The following SYT17 variants were observed in gnomAD, a reference collection of about 807,000 sequenced individuals.
SYT17 encodes synaptotagmin 17.
SYT17 carries 22 observed loss-of-function variants against 46.7 expected under a neutral mutation model. The observed-to-expected ratio is 0.47, with a 90% confidence interval of 0.34 to 0.67. SYT17 has a LOEUF of 0.67. SYT17 is among the 30% of genes least tolerant of loss of function. The probability of loss-of-function intolerance (pLI) is 0.01; values close to 1 mark genes in which losing one functional copy is unlikely to be tolerated. For synonymous variants in SYT17, 251 were observed against 248.4 expected (o/e 1.01, Z -0.10); for missense variants, 519 against 612.8 (o/e 0.85, Z 1.62).
chr16:19,172,352 A>T, intron 1 of SYT17: 1 of 1,383,612 alleles, frequency 7.2e-7, no homozygotes, highest in Non-Finnish European at 9.3e-7. Context: ...GCCTGCCTGC[A>T]TGTTAGCTAA....
intron 5 of SYT17, among the ~76,000 whole-genome samples, chr16:19,187,997 G>T (rs547456818): frequency 6.6e-6 from 1 of 152,196 alleles, no homozygotes; most frequent in African/African-American, 2.4e-5. Context: ...ATACCCAAAG[G>T]AATATAAATT....
chr16:19,179,719 G>T (rs1167672089), intron 3 of SYT17, among the ~76,000 whole-genome samples: 1 of 152,192 alleles, frequency 6.6e-6, no homozygotes, highest in Non-Finnish European at 1.5e-5. Context: ...AGCCCCAGCG[G>T]TTCTCTCAAT....
intron 5 of SYT17, 89 bp from the exon 6 acceptor site, chr16:19,222,956 T>G: frequency 6.4e-7 from 1 of 1,559,872 alleles, no homozygotes; most frequent in South Asian, 1.2e-5. Context: ...GCAACCTGTT[T>G]GTGAGCTGCT....
intron 7 of SYT17, among the ~76,000 whole-genome samples, chr16:19,232,030 G>A (rs75518456): frequency 0.041 from 6,202 of 152,228 alleles, 407 homozygotes; most frequent in African/African-American, 0.14. Context: ...CAGCAGAGAG[G>A]ATTGCAGGGG....
Position 19,183,596 on chromosome 16 carries a change from G to T in SYT17, c.400G>T (p.Ala134Ser). 1 of 1,614,116 alleles carries T rather than the reference G, an allele frequency of 6.2e-7. No homozygotes were observed. Among genetic ancestry groups the T allele is most frequent in the Non-Finnish European group, 8.5e-7 (1 of 1,180,028 alleles). Residue 134 changes from alanine to serine, a missense_variant, in exon 5 of 8, where the codon GCC (alanine) becomes TCC (serine). By Grantham distance (99) the Ala-to-Ser change is moderately conservative. Transcript: ENST00000355377. The surrounding 1 kb of genome is among the most constrained non-coding windows in gnomAD (Gnocchi z 5.6). ...IKPIEFGVLS[A>S]KKEPIQPSVL... ...ACCCATCGAGTTTGGCGTTCTCAGC[G>T]CCAAGAAGGAGCCCATCCAACCTTC... is the stretch of plus-strand genomic sequence containing the variant.
chr16:19,265,739 C>T (rs1490156029), intron 7 of SYT17, among the ~76,000 whole-genome samples: 1 of 152,198 alleles, frequency 6.6e-6, no homozygotes, highest in East Asian at 1.9e-4. Flanking sequence ...CCTGGACTAC[C>T]CACACACAGA....
intron 7 of SYT17, among the ~76,000 whole-genome samples, chr16:19,248,777 G>A (rs372180221): frequency 6.6e-5 from 10 of 151,830 alleles, no homozygotes; most frequent in Admixed American, 1.3e-4. Flanking sequence ...AGCTGAGATC[G>A]CGCCACTGGA....
chr16:19,179,836 A>G (rs1463011174), intron 3 of SYT17, among the ~76,000 whole-genome samples: 1 of 152,200 alleles, frequency 6.6e-6, no homozygotes, highest in Non-Finnish European at 1.5e-5. Context: ...CTGCTAATTT[A>G]TAGCTATTTC....
intron 5 of SYT17, among the ~76,000 whole-genome samples, chr16:19,213,326 T>C (rs1267871411): frequency 6.6e-6 from 1 of 152,212 alleles, no homozygotes; most frequent in Non-Finnish European, 1.5e-5. Flanking sequence ...CTGAACCTGG[T>C]TGGCTAACTT....
intron 5 of SYT17, among the ~76,000 whole-genome samples, chr16:19,217,406 C>T (rs1255919904): frequency 6.6e-6 from 1 of 152,156 alleles, no homozygotes; most frequent in Non-Finnish European, 1.5e-5. Flanking sequence ...CTAGCAATCA[C>T]TCATCTACTT....
intron 5 of SYT17, among the ~76,000 whole-genome samples, chr16:19,192,290 G>GC (rs1488983806): frequency 1.3e-5 from 2 of 151,352 alleles, no homozygotes; most frequent in Non-Finnish European, 1.5e-5. Context: ...GTGTGGTGGC[G>GC]CATGCCTGTA....
chr16:19,180,293 T>C, intron 3 of SYT17, 98 bp from the exon 4 acceptor site: 1 of 1,342,898 alleles, frequency 7.4e-7, no homozygotes, highest in Non-Finnish European at 1.0e-6. Flanking sequence ...AAAATGAGTC[T>C]GAGAGCGGTT....
intron 4 of SYT17, among the ~76,000 whole-genome samples, chr16:19,182,015 A>AG (rs1555456328): frequency 3.8e-4 from 57 of 151,898 alleles, no homozygotes; most frequent in African/African-American, 1.3e-3. Flanking sequence ...AAAAAAAAAA[A>AG]AGAGAGAGAG....
chr16:19,211,216 G>A (rs1965886714), intron 5 of SYT17: 1 of 498,046 alleles, frequency 2.0e-6, no homozygotes, highest in Non-Finnish European at 3.5e-6. Flanking sequence ...CTTCCACAAG[G>A]GACGAGGTAG....
At chr16:19,186,887 T>C (rs1191113766) in intron 5 of SYT17, among the ~76,000 whole-genome samples, 3 of 152,160 alleles carry the variant, frequency 2.0e-5, no homozygotes, top group Admixed American at 2.0e-4. Context: ...GTTGGATTAA[T>C]AAAAATGAAT....
chr16:19,235,758 C>T (rs1248146344), intron 7 of SYT17, among the ~76,000 whole-genome samples: 2 of 152,052 alleles, frequency 1.3e-5, no homozygotes, highest in Non-Finnish European at 2.9e-5. Context: ...ATTAGAATTA[C>T]GTGGAAATTT....
At chr16:19,249,988 C>T in intron 7 of SYT17, 2 of 1,536,010 alleles carry the variant, frequency 1.3e-6, no homozygotes, top group Middle Eastern at 1.7e-4. Flanking sequence ...TCACCCAGCT[C>T]ATGGTATCAG....
chr16:19,205,682 A>G (rs1382936910), intron 5 of SYT17, among the ~76,000 whole-genome samples: 1 of 152,148 alleles, frequency 6.6e-6, no homozygotes, highest in African/African-American at 2.4e-5. Context: ...GCGTTTCACC[A>G]TGTTGACCAG....
rs747552454 is a variant in SYT17 at position 19,223,151 on chromosome 16, T to C, written c.1058T>C (p.Val353Ala). The C allele has an allele frequency of 5.7e-5, 92 of 1,613,688 alleles. No homozygotes were observed. The highest frequency in any genetic ancestry group is 6.0e-5 in the Non-Finnish European group (71 of 1,179,766). Reference protein sequence around the residue: ...IRAKQLLQTDVSQGSDPFVKI... With the variant: ...IRAKQLLQTDASQGSDPFVKI... ...GCCAAGCAACTTCTTCAGACAGATGTGAGCCAAGGTTCAGGTACCGTGTGA... is the reference window on the plus strand; with the variant it reads ...GCCAAGCAACTTCTTCAGACAGATGCGAGCCAAGGTTCAGGTACCGTGTGA... Residue 353 changes from valine (V) to alanine (A), a missense_variant, in exon 6 of 8, where the codon GTG (valine) becomes GCG (alanine). Physicochemically the swap from Val to Ala is moderately conservative, Grantham distance 64 (BLOSUM62 0). Coordinates refer to ENST00000355377, the MANE Select transcript of SYT17 (RefSeq NM_016524.4).
Sources: gnomAD v4.1 joint callset for allele counts (sites outside exome capture counted in the v4.1 genomes callset) on GRCh38, gnomAD v4.1.1 for gene constraint, Gnocchi (gnomAD v3.1) non-coding constraint, MANE v1.5 for transcripts, NCBI Gene and HGNC (gene_info 2026-07-23, HGNC 2026-07-21) for gene names.